The following NEMP2 variants were observed in gnomAD, a reference collection of about 807,000 sequenced individuals.
The protein encoded by NEMP2 is UPF0571 transmembrane protein.
In NEMP2, 53 loss-of-function variants were observed where a neutral mutation model predicts 54.2. The observed-to-expected ratio is 0.98, with a 90% CI of 0.78 to 1.23. The LOEUF is 1.23. NEMP2 is among the 50% of genes most tolerant of loss of function. The probability of loss-of-function intolerance (pLI) is 0.00; values close to 1 mark genes in which losing one functional copy is unlikely to be tolerated. For synonymous variants in NEMP2, 197 were observed against 190.3 expected (o/e 1.04, Z -0.29); for missense variants, 455 against 511.3 (o/e 0.89, Z 1.06).
the NEMP2 span, among the ~76,000 whole-genome samples, chr2:190,555,650 C>G: frequency 6.6e-6 from 1 of 151,984 alleles, no homozygotes; most frequent in Non-Finnish European, 1.5e-5. This position sits in a 1 kb window ranked among gnomAD's most constrained non-coding sequence, Gnocchi z 4.8. Context: ...AACAAAGCCT[C>G]CAAGAAATAT....
the NEMP2 span, among the ~76,000 whole-genome samples, chr2:190,449,636 C>A: frequency 6.6e-6 from 1 of 150,838 alleles, no homozygotes; most frequent in Non-Finnish European, 1.5e-5. Flanking sequence ...CAATGATAGA[C>A]TGGATTAAGA....
At chr2:190,430,978 AC>A in the NEMP2 span, among the ~76,000 whole-genome samples, 3 of 144,622 alleles carry the variant, frequency 2.1e-5, no homozygotes, top group Non-Finnish European at 4.5e-5. Flanking sequence ...GGGGCTCCTC[AC>A]TTCTCAGATG....
At chr2:190,619,718 A>C in the NEMP2 span, among the ~76,000 whole-genome samples, 2 of 152,074 alleles carry the variant, frequency 1.3e-5, no homozygotes, top group South Asian at 4.1e-4. The surrounding 1 kb of genome is among the most constrained non-coding windows in gnomAD (Gnocchi z 5.5). Context: ...TCATTCTGCT[A>C]TCTAAGGGAC....
At chr2:190,612,420 C>T in the NEMP2 span, among the ~76,000 whole-genome samples, 1 of 152,186 alleles carries the variant, frequency 6.6e-6, no homozygotes, top group African/African-American at 2.4e-5. Context: ...TTCCAAAGTG[C>T]TGGGATTACA....
chr2:190,597,943 A>T, the NEMP2 span, among the ~76,000 whole-genome samples: 1 of 152,144 alleles, frequency 6.6e-6, no homozygotes, highest in African/African-American at 2.4e-5. The surrounding 1 kb of genome is among the most constrained non-coding windows in gnomAD (Gnocchi z 4.7). Context: ...ATGTTCCAAT[A>T]CCATACACAC....
At chr2:190,631,570 A>G in the NEMP2 span, among the ~76,000 whole-genome samples, 1 of 152,286 alleles carries the variant, frequency 6.6e-6, no homozygotes, top group East Asian at 1.9e-4. Context: ...TTATAAAAGC[A>G]ACTTCTTTCA....
chr2:190,473,391 G>C, the NEMP2 span, among the ~76,000 whole-genome samples: 2 of 152,108 alleles, frequency 1.3e-5, no homozygotes, highest in Non-Finnish European at 2.9e-5. Flanking sequence ...GATGGAGGAA[G>C]ATCTACCAAG....
the NEMP2 span, among the ~76,000 whole-genome samples, chr2:190,604,267 AG>A: frequency 6.6e-6 from 1 of 152,220 alleles, no homozygotes; most frequent in Non-Finnish European, 1.5e-5. This position sits in a 1 kb window ranked among gnomAD's most constrained non-coding sequence, Gnocchi z 4.5. Context: ...GAGGGTGACT[AG>A]AGGGATCAAA....
the NEMP2 span, chr2:190,436,497 C>T: frequency 6.2e-7 from 1 of 1,614,218 alleles, no homozygotes; most frequent in Non-Finnish European, 8.5e-7. This position sits in a 1 kb window ranked among gnomAD's most constrained non-coding sequence, Gnocchi z 5.3. Flanking sequence ...AACCTGCTAC[C>T]TTGAGATGTG....
the NEMP2 span, among the ~76,000 whole-genome samples, chr2:190,574,003 T>C: frequency 2.6e-5 from 4 of 152,232 alleles, no homozygotes. Context: ...TTCTGCCAAA[T>C]GTCATCCAGC....
the NEMP2 span, chr2:190,488,732 C>G: frequency 6.2e-7 from 1 of 1,610,142 alleles, no homozygotes; most frequent in Non-Finnish European, 8.5e-7. The surrounding 1 kb of genome is among the most constrained non-coding windows in gnomAD (Gnocchi z 6.4). Context: ...CTGAGGACAT[C>G]TGCTCAGGGC....
the NEMP2 span, chr2:190,436,831 A>C: frequency 6.2e-7 from 1 of 1,614,206 alleles, no homozygotes; most frequent in Non-Finnish European, 8.5e-7. This position sits in a 1 kb window ranked among gnomAD's most constrained non-coding sequence, Gnocchi z 5.3. Flanking sequence ...TACCACCACC[A>C]AATCTTTACC....
chr2:190,543,875 CTAAT>C, the NEMP2 span, among the ~76,000 whole-genome samples: 1 of 152,168 alleles, frequency 6.6e-6, no homozygotes, highest in Non-Finnish European at 1.5e-5. This position sits in a 1 kb window ranked among gnomAD's most constrained non-coding sequence, Gnocchi z 4.7. Flanking sequence ...CTCTTTATAA[CTAAT>C]TAATTTTCAG....
chr2:190,560,960 A>C, the NEMP2 span, among the ~76,000 whole-genome samples: 1 of 152,216 alleles, frequency 6.6e-6, no homozygotes, highest in Admixed American at 6.5e-5. This position sits in a 1 kb window ranked among gnomAD's most constrained non-coding sequence, Gnocchi z 5.4. Flanking sequence ...TCAGAAATCA[A>C]AACCATTTAT....
chr2:190,457,174 A>G, the NEMP2 span, among the ~76,000 whole-genome samples: 7 of 152,082 alleles, frequency 4.6e-5, no homozygotes, highest in Non-Finnish European at 8.8e-5. The surrounding 1 kb of genome is among the most constrained non-coding windows in gnomAD (Gnocchi z 5.1). Flanking sequence ...GCACATTGCT[A>G]TTACCTACTG....
At chr2:190,635,870 T>C in the NEMP2 span, among the ~76,000 whole-genome samples, 1 of 152,064 alleles carries the variant, frequency 6.6e-6, no homozygotes, top group South Asian at 2.1e-4. The surrounding 1 kb of genome is among the most constrained non-coding windows in gnomAD (Gnocchi z 4.1). Flanking sequence ...TAAGTTCCTA[T>C]GTTGTTTGTT....
chr2:190,560,579 G>T, the NEMP2 span, among the ~76,000 whole-genome samples: 1 of 152,148 alleles, frequency 6.6e-6, no homozygotes, highest in Non-Finnish European at 1.5e-5. The surrounding 1 kb of genome is among the most constrained non-coding windows in gnomAD (Gnocchi z 5.4). Context: ...TGAGCATCTG[G>T]ATTAAAATTT....
the NEMP2 span, among the ~76,000 whole-genome samples, chr2:190,545,363 T>TC: frequency 3.9e-5 from 6 of 152,256 alleles, no homozygotes; most frequent in South Asian, 1.2e-3. Flanking sequence ...TTCTCTTTTT[T>TC]CCCCCCACTG....
chr2:190,458,601 C>A, the NEMP2 span, among the ~76,000 whole-genome samples: 1 of 152,158 alleles, frequency 6.6e-6, no homozygotes, highest in African/African-American at 2.4e-5. The surrounding 1 kb of genome is among the most constrained non-coding windows in gnomAD (Gnocchi z 5.3). Context: ...TTCCCTTCCC[C>A]CCGAGTGCTT....
Sources: allele counts gnomAD v4.1 joint callset (sites outside exome capture counted in the v4.1 genomes callset), GRCh38; gene constraint gnomAD v4.1.1; non-coding constraint Gnocchi (gnomAD v3.1); transcripts MANE v1.5; gene names NCBI Gene and HGNC (gene_info 2026-07-23, HGNC 2026-07-21).